Variants in GPR157 observed in about 807,000 individuals in gnomAD.
GPR157 encodes G-protein coupled receptor 157.
Under a neutral mutation model 23.5 loss-of-function variants are expected in GPR157, and 16 were observed. That is an observed-to-expected ratio of 0.68 (90% CI 0.46 to 1.04). The LOEUF is 1.04. Among genes scored for constraint, GPR157 ranks in the 50% least tolerant of loss-of-function variants. GPR157 has a pLI of 0.00. For missense variants in GPR157, 440 were observed against 460.7 expected (o/e 0.96, Z 0.41); for synonymous variants, 200 against 221.5 (o/e 0.90, Z 0.86).
rs1486574726 is a variant in GPR157 at position 9,102,863 on chromosome 1, GC to G, written c.*1555del. On this transcript the variant is annotated 3_prime_UTR_variant, in exon 4 of 4. Coordinates refer to ENST00000377411, the MANE Select transcript of GPR157 (RefSeq NM_024980.5). The stretch of plus-strand genomic sequence containing the variant: ...TGTAAATAATCGCTCCATGCTCCAT[GC>G]CGCCACTTACCTCAGCTGAATACAA... 6.6e-5 allele frequency: 10 copies of G among 152,286 alleles called. No homozygotes were observed. The highest frequency in any genetic ancestry group is 2.4e-4 in the African/African-American group (10 of 41,574). The allele number at this position is 152,286 out of a possible 1,614,324, so 9.4% of individuals were successfully genotyped here. A position where few individuals can be genotyped will look rare whatever the true frequency, so the allele number is the denominator to read the frequency against.
chr1:9,111,487 C>A lies in GPR157; in HGVS notation c.386G>T (p.Trp129Leu). The A allele has an allele frequency of 6.2e-7, 1 of 1,612,696 alleles. No homozygotes were observed. The change falls in exon 2 of 4, where the codon TGG becomes TTG. Residue 129 changes from tryptophan to leucine, a missense_variant and splice_region_variant. By Grantham distance (61) the Trp-to-Leu change is moderately conservative. Transcript: ENST00000377411. ...RLLWAFHVVS[W>L]GVPLVITVAA... The stretch of plus-strand genomic sequence containing the variant: ...CACAGTGATGACCAACGGGACCCCC[C>A]AGCTGAGGAAGGAGGAGAGAAAGAG...
intron 1 of GPR157, among the ~76,000 whole-genome samples, chr1:9,112,988 C>T (rs1257153641): frequency 6.6e-6 from 1 of 152,184 alleles, no homozygotes; most frequent in East Asian, 1.9e-4. Context: ...CCTGCTTGGG[C>T]AAGTTATTTA....
intron 1 of GPR157, among the ~76,000 whole-genome samples, chr1:9,126,096 T>C (rs1253385407): frequency 9.9e-5 from 15 of 151,938 alleles, no homozygotes. Context: ...TCCTGAGTAG[T>C]TGGGACACGC....
intron 1 of GPR157, among the ~76,000 whole-genome samples, chr1:9,117,756 C>T (rs772102850): frequency 4.6e-5 from 7 of 151,364 alleles, no homozygotes; most frequent in Admixed American, 6.6e-5. Context: ...AGTGGGACTC[C>T]GTCTCAAAAA....
chr1:9,109,452 G>T (rs2124510703), intron 2 of GPR157, among the ~76,000 whole-genome samples: 1 of 152,128 alleles, frequency 6.6e-6, no homozygotes, highest in South Asian at 2.1e-4. Flanking sequence ...GAATGCAGTG[G>T]CGTAATCTTG....
intron 1 of GPR157, among the ~76,000 whole-genome samples, chr1:9,123,536 AAATATATCTAATTT>A (rs1189462299): frequency 8.6e-5 from 1 of 11,612 alleles, no homozygotes; most frequent in Non-Finnish European, 1.1e-4. Context: ...ATATATATTT[AAATATATCTAATTT>A]AAATATATAT....
chr1:9,104,967 T>C (rs1638249325), intron 3 of GPR157, among the ~76,000 whole-genome samples: 1 of 146,612 alleles, frequency 6.8e-6, no homozygotes, highest in African/African-American at 2.5e-5. Flanking sequence ...ACCACTGCAC[T>C]CCAACCTGGG....
At chr1:9,117,876 C>A (rs79897847) in intron 1 of GPR157, among the ~76,000 whole-genome samples, 2 of 152,110 alleles carry the variant, frequency 1.3e-5, no homozygotes, top group African/African-American at 4.8e-5. Context: ...GAAGCCACCA[C>A]CCCAAAAAAA....
intron 1 of GPR157, among the ~76,000 whole-genome samples, chr1:9,122,096 A>C (rs6577552): frequency 0.75 from 113,837 of 152,002 alleles, 43,048 homozygotes; most frequent in East Asian, 0.88. Flanking sequence ...CACCACCGTG[A>C]GGGGAGGAAG....
At chr1:9,127,935 C>G (rs1041599977) in intron 1 of GPR157, among the ~76,000 whole-genome samples, 1 of 152,116 alleles carries the variant, frequency 6.6e-6, no homozygotes, top group South Asian at 2.1e-4. Context: ...ACTTGAAAGA[C>G]GCTTGAATCG....
Position 9,113,511 on chromosome 1 carries a change from C to T in GPR157, c.384-2022G>A, listed in dbSNP as rs553342473. Among the ~76,000 whole-genome samples, 28 of 152,248 alleles carry T rather than the reference C, an allele frequency of 1.8e-4. No individual in the cohort carries two copies. The East Asian group carries it at 5.4e-3, about 29-fold the overall frequency. On this transcript the variant is annotated intron_variant, in intron 1 of 3. Coordinates refer to ENST00000377411, the MANE Select transcript of GPR157 (RefSeq NM_024980.5). ...ACAGAGGGGCCCTGGCCAACCATCC[C>T]CTCTGCAGCATTCTCCAGTCCCCAC... is the stretch of plus-strand genomic sequence containing the variant.
In GPR157 at chr1:9,128,688, C is replaced by T. The variant is rs541634794; in HGVS notation, c.340G>A (p.Gly114Arg). The T allele has an allele frequency of 1.2e-6, 2 of 1,613,186 alleles. No individual in the cohort carries two copies. Among genetic ancestry groups the T allele is most frequent in the African/African-American group, 2.7e-5 (2 of 75,058 alleles). ...CAAAGCAGGCGATCTGTGCGAGGCC[C>T]GCGCGCGGCGCGGACGATGCTGAGG... ...LYLSIVRAARGPRTDRLLWAF... is the reference protein window; with the variant it reads ...LYLSIVRAARRPRTDRLLWAF... Residue 114 changes from glycine (G) to arginine (R), a missense_variant, in exon 1 of 4, where the codon GGG (glycine) becomes AGG (arginine). Coordinates refer to ENST00000377411, the MANE Select transcript of GPR157 (RefSeq NM_024980.5). The surrounding 1 kb of genome is among the most constrained non-coding windows in gnomAD (Gnocchi z 6.3).
At chr1:9,106,007 T>G (rs1638312003) in intron 2 of GPR157, among the ~76,000 whole-genome samples, 1 of 152,144 alleles carries the variant, frequency 6.6e-6, no homozygotes, top group South Asian at 2.1e-4. Context: ...TGGGGCTCTG[T>G]TTTGACCCCT....
rs3004242 is a variant in GPR157, at chr1:9,101,262, G to A, written c.*3157C>T. On this transcript the variant is annotated 3_prime_UTR_variant, in exon 4 of 4. Transcript: ENST00000377411. ...GTAGAAACAGGGTTTCACCATGTTG[G>A]CCAGGCTGGTCTCAAACTCCTGACC... 0.13 allele frequency: 18,936 copies of A among 151,056 alleles called. 1,288 individuals are homozygous for A. Among genetic ancestry groups the A allele is most frequent in the Middle Eastern group, 0.23 (68 of 294 alleles). The allele number at this position is 151,056 out of a possible 1,614,324, so 9.4% of individuals were successfully genotyped here.
Position 9,111,260 on chromosome 1 carries a change from T to G in GPR157, c.597+16A>C. ...CGGCCATGCAGAGGGCCCTGAGCTC[T>G]AAGGGCAGCGCCTACCGCTCTGTTG... On this transcript the variant is annotated intron_variant, in intron 2 of 3. Transcript: ENST00000377411. 6.2e-7 allele frequency: 1 copy of G among 1,613,422 alleles called. No homozygotes were observed. The highest frequency in any genetic ancestry group is 8.5e-7 in the Non-Finnish European group (1 of 1,179,484).
chr1:9,114,352 G>A (rs1004372864), intron 1 of GPR157, among the ~76,000 whole-genome samples: 4 of 132,622 alleles, frequency 3.0e-5, no homozygotes, highest in Admixed American at 7.8e-5. Flanking sequence ...AAAAGTAATC[G>A]GCTCTTCAAG....
intron 2 of GPR157, among the ~76,000 whole-genome samples, chr1:9,108,306 T>C (rs1638393909): frequency 6.6e-6 from 1 of 152,174 alleles, no homozygotes; most frequent in Non-Finnish European, 1.5e-5. Context: ...GGCTCATTCC[T>C]AGCTAGAGGC....
intron 2 of GPR157, among the ~76,000 whole-genome samples, chr1:9,109,999 A>G (rs1206400256): frequency 6.6e-6 from 1 of 152,142 alleles, no homozygotes; most frequent in Non-Finnish European, 1.5e-5. Context: ...GAGGGCAAAT[A>G]GAAACACAGG....
chr1:9,122,616 C>A (rs1449818986), intron 1 of GPR157, among the ~76,000 whole-genome samples: 1 of 152,078 alleles, frequency 6.6e-6, no homozygotes, highest in Middle Eastern at 3.2e-3. Flanking sequence ...AAACATGTTT[C>A]TGGGATATCC....
Sources: gnomAD v4.1 joint callset for allele counts (sites outside exome capture counted in the v4.1 genomes callset) on GRCh38, gnomAD v4.1.1 for gene constraint, Gnocchi (gnomAD v3.1) non-coding constraint, MANE v1.5 for transcripts, NCBI Gene and HGNC (gene_info 2026-07-23, HGNC 2026-07-21) for gene names.